Variants in SERPINB8 observed in about 807,000 individuals in gnomAD.
SERPINB8 encodes serpin family B member 8.
SERPINB8 carries 25 observed loss-of-function variants against 35.3 expected under a neutral mutation model. The ratio of observed to expected loss-of-function variants is 0.71; its 90% CI spans 0.52 to 0.99. The LOEUF (loss-of-function observed/expected upper bound fraction) is 0.99, where lower values mean the gene tolerates loss of function less well. Among genes scored for constraint, SERPINB8 ranks in the 50% least tolerant of loss-of-function variants. The probability of loss-of-function intolerance (pLI) is 0.00; values close to 1 mark genes in which losing one functional copy is unlikely to be tolerated. For missense variants in SERPINB8, 484 were observed against 446.5 expected, an observed-to-expected ratio of 1.08 and a Z score of -0.76; for synonymous variants, 186 against 160.8, an observed-to-expected ratio of 1.16 and a Z score of -1.19.
At chr18:64,001,844 C>G (rs137867823) in intron 1 of SERPINB8, among the ~76,000 whole-genome samples, 52 of 152,308 alleles carry the variant, frequency 3.4e-4, no homozygotes, top group Non-Finnish European at 6.2e-4. Flanking sequence ...AATCCAGGCT[C>G]AAGTTAGAAT....
At chr18:64,017,711 C>T (rs1477215210) in intron 7 of SERPINB8, among the ~76,000 whole-genome samples, 1 of 152,098 alleles carries the variant, frequency 6.6e-6, no homozygotes, top group Non-Finnish European at 1.5e-5. Flanking sequence ...ATTGAACTTC[C>T]CTATGGAAAC....
At chr18:63,979,357 C>T (rs1173162510) in intron 2 of SERPINB8, among the ~76,000 whole-genome samples, 1 of 152,136 alleles carries the variant, frequency 6.6e-6, no homozygotes, top group Non-Finnish European at 1.5e-5. Context: ...TGTAATTCAT[C>T]CCAGTTACTT....
intron 7 of SERPINB8, among the ~76,000 whole-genome samples, chr18:64,010,910 G>A (rs1201070073): frequency 6.6e-6 from 1 of 151,818 alleles, no homozygotes; most frequent in East Asian, 1.9e-4. Context: ...AAGCTGGGTA[G>A]TGGGTATTAG....
At chr18:63,982,301 G>A (rs1200050519) in intron 4 of SERPINB8, among the ~76,000 whole-genome samples, 1 of 152,154 alleles carries the variant, frequency 6.6e-6, no homozygotes, top group Non-Finnish European at 1.5e-5. Flanking sequence ...TGCTCTCAGA[G>A]TGTGGCCTTT....
At chr18:64,017,141 C>G (rs1007885651) in intron 7 of SERPINB8, among the ~76,000 whole-genome samples, 4 of 152,130 alleles carry the variant, frequency 2.6e-5, no homozygotes, top group African/African-American at 9.7e-5. Flanking sequence ...CATCATTTTA[C>G]AAAGTAAATA....
At chr18:63,995,903 A>G (rs943259297) in intron 1 of SERPINB8, among the ~76,000 whole-genome samples, 1 of 152,224 alleles carries the variant, frequency 6.6e-6, no homozygotes, top group Non-Finnish European at 1.5e-5. Flanking sequence ...TTAGGAATTT[A>G]TATAGCAGGG....
Position 64,002,910 on chromosome 18 carries a change from G to A in SERPINB8, c.71-1909G>A, listed in dbSNP as rs543691954. On this transcript the variant is annotated intron_variant, in intron 1 of 1. Coordinates refer to the SERPINB8 transcript ENST00000493661. ...GAGAAGGAAGGCAGAAGGCCCCCAA[G>A]CCGGCGGGGCCGGGATAATAAGGTC... Among the ~76,000 whole-genome samples, 11 of 152,332 alleles carry A rather than the reference G, an allele frequency of 7.2e-5. No individual in the cohort carries two copies. In the East Asian group the frequency reaches 2.1e-3, roughly 30 times the overall value.
chr18:64,014,898 T>C (rs2050942512), intron 7 of SERPINB8, among the ~76,000 whole-genome samples: 2 of 152,186 alleles, frequency 1.3e-5, no homozygotes, highest in Non-Finnish European at 1.5e-5. Flanking sequence ...AATCTGAATA[T>C]CTCGCCTCTT....
Position 63,987,050 on chromosome 18 carries a change from T to C in SERPINB8, c.897T>C (p.Phe299=). The part of the protein sequence containing the change: ...IDAFDEAKAD[F]SGMSTEKNVP... Reference sequence around the variant, plus strand: ...CTTTTGACGAAGCCAAGGCAGACTTTTCTGGAATGTCAACTGAGAAGAATG... The same window carrying C: ...CTTTTGACGAAGCCAAGGCAGACTTCTCTGGAATGTCAACTGAGAAGAATG... The change falls in exon 7 of 7, where the codon TTT becomes TTC. Residue 299 remains phenylalanine, a synonymous_variant. Transcript: ENST00000397985. The C allele has an allele frequency of 1.2e-6, 2 of 1,614,208 alleles. No individual in the cohort carries two copies. The highest frequency in any genetic ancestry group is 1.7e-6 in the Non-Finnish European group (2 of 1,180,034).
In SERPINB8 at chr18:63,988,068, G is replaced by A. The variant is rs1426329088; in HGVS notation, c.*790G>A. On this transcript the variant is annotated 3_prime_UTR_variant, in exon 7 of 7. Transcript: ENST00000397985. The stretch of plus-strand genomic sequence containing the variant: ...CCTCCATATACATTAATTTTTTTCT[G>A]CCTAAAAATAAAATTGCGTTGTGGC... 6.6e-6 allele frequency: 1 copy of A among 152,008 alleles called. No homozygotes were observed. Among genetic ancestry groups the A allele is most frequent in the Non-Finnish European group, 1.5e-5 (1 of 67,988 alleles). The allele number at this position is 152,008 out of a possible 1,614,324, so 9.4% of individuals were successfully genotyped here.
At chr18:64,012,591 G>GCA (rs60692790) in intron 7 of SERPINB8, among the ~76,000 whole-genome samples, 14 of 23,994 alleles carry the variant, frequency 5.8e-4, no homozygotes, top group Middle Eastern at 0.012. Context: ...GTGTGTGTGT[G>GCA]CGTGTGTGTG....
downstream of SERPINB8, among the ~76,000 whole-genome samples, chr18:63,989,925 A>G (rs867520749): frequency 2.2e-4 from 27 of 123,964 alleles, no homozygotes; most frequent in African/African-American, 7.3e-4. Context: ...CCTGGGCGAC[A>G]GAGCGAGACT....
chr18:63,972,923 C>T (rs1272326776), intron 1 of SERPINB8, among the ~76,000 whole-genome samples: 1 of 152,188 alleles, frequency 6.6e-6, no homozygotes, highest in Non-Finnish European at 1.5e-5. Context: ...CAAGTCTTTG[C>T]TATTGTGAAT....
At chr18:63,973,314 C>T (rs2050523316) in intron 1 of SERPINB8, among the ~76,000 whole-genome samples, 1 of 152,142 alleles carries the variant, frequency 6.6e-6, no homozygotes, top group South Asian at 2.1e-4. Context: ...TGTTCATATC[C>T]ATTGCCCACT....
Position 63,987,018 on chromosome 18 carries a change from A to G in SERPINB8, c.865A>G (p.Ile289Val), listed in dbSNP as rs202016198. 2.1e-5 allele frequency: 34 copies of G among 1,614,196 alleles called. No homozygotes were observed. The East Asian group carries it at 7.4e-4, about 35-fold the overall frequency. The change falls in exon 7 of 7, where the codon ATC becomes GTC. Residue 289 changes from isoleucine (I) to valine (V), a missense_variant. Coordinates refer to ENST00000397985, the MANE Select transcript of SERPINB8 (RefSeq NM_002640.4). ...GCCTTTCCTTCGAAGATTAGGAATG[A>G]TCGATGCTTTTGACGAAGCCAAGGC... ...LEPFLRRLGM[I>V]DAFDEAKADF...
At chr18:63,989,942 CAAAAAAA>C (rs1161052778), downstream of SERPINB8, among the ~76,000 whole-genome samples, 3 of 27,880 alleles carry the variant, frequency 1.1e-4, no homozygotes, top group Non-Finnish European at 2.2e-4. Context: ...GACTCTGTCT[CAAAAAAA>C]AAAAAAAAAA....
At chr18:63,986,164 G>A (rs375260400) in intron 6 of SERPINB8, 19 of 1,101,570 alleles carry the variant, frequency 1.7e-5, no homozygotes, top group Admixed American at 1.0e-4. Context: ...TCGTTGGAGA[G>A]GAGTACCCAC....
chr18:63,992,360 T>G (rs1337973179), downstream of SERPINB8, among the ~76,000 whole-genome samples: 1 of 152,246 alleles, frequency 6.6e-6, no homozygotes, highest in African/African-American at 2.4e-5. Context: ...AAGGAATTTG[T>G]TCATTTTCTA....
chr18:63,979,886 T>G lies in SERPINB8; in HGVS notation c.254T>G (p.Leu85Trp), dbSNP rs111432786. 1.1e-3 allele frequency: 1,756 copies of G among 1,614,068 alleles called. 21 individuals carry two copies. The African/African-American group carries it at 0.021, about 19-fold the overall frequency. The change falls in exon 3 of 7, where the codon TTG becomes TGG. Residue 85 changes from leucine to tryptophan, a missense_variant. By Grantham distance (61) the Leu-to-Trp change is moderately conservative. Transcript: ENST00000397985. Reference sequence around the variant, plus strand: ...GTTAACAGAACTGGCACTCAGTACTTGCTTAGAACTGCCAACAGACTCTTT... The same window carrying G: ...GTTAACAGAACTGGCACTCAGTACTGGCTTAGAACTGCCAACAGACTCTTT... ...SEVNRTGTQY[L>W]LRTANRLFGE... is the part of the protein sequence containing the mutation.
Sources: allele counts gnomAD v4.1 joint callset (sites outside exome capture counted in the v4.1 genomes callset), GRCh38; gene constraint gnomAD v4.1.1; transcripts MANE v1.5; gene names NCBI Gene and HGNC (gene_info 2026-07-23, HGNC 2026-07-21).